EDAR: variants seen among roughly 807,000 people sequenced by gnomAD.
EDAR encodes tumor necrosis factor receptor superfamily member EDAR.
In EDAR, 38 loss-of-function variants were observed where a neutral mutation model predicts 51.3. The observed-to-expected ratio is 0.74, with a 90% CI of 0.57 to 0.97. The LOEUF is 0.97. Among genes scored for constraint, EDAR ranks in the 50% least tolerant of loss-of-function variants. EDAR has a pLI of 0.00. For missense variants in EDAR, 528 were observed against 595.0 expected (o/e 0.89, Z 1.17); for synonymous variants, 227 against 242.1 (o/e 0.94, Z 0.58).
intron 1 of EDAR, among the ~76,000 whole-genome samples, chr2:108,984,690 G>GT (rs147598264): frequency 0.03 from 4,557 of 150,674 alleles, 207 homozygotes; most frequent in East Asian, 0.096. Flanking sequence ...TAGTTTGTTT[G>GT]TTTTTTTTTC....
At chr2:108,959,704 G>A (rs899244246) in intron 1 of EDAR, among the ~76,000 whole-genome samples, 3 of 151,966 alleles carry the variant, frequency 2.0e-5, no homozygotes, top group African/African-American at 7.3e-5. Context: ...GTGGGCAGTG[G>A]AGATTTCGCC....
Position 108,959,673 on chromosome 2 carries a change from C to T in EDAR, c.-18-28641G>A, listed in dbSNP as rs533934405. On this transcript the variant is annotated intron_variant, in intron 1 of 11. Transcript: ENST00000258443. ...GCCCTGGGACTCAGCTCTGGATGCCCGGTGAATGGCTGCTGGGGCCGTGGG... is the reference window on the plus strand; with the variant it reads ...GCCCTGGGACTCAGCTCTGGATGCCTGGTGAATGGCTGCTGGGGCCGTGGG... 3.3e-5 allele frequency among the ~76,000 whole-genome samples: 5 copies of T among 152,240 alleles called. 1 individual carries two copies. In the South Asian group the frequency reaches 6.2e-4, roughly 19 times the overall value.
chr2:108,968,054 G>T (rs1351329150), intron 1 of EDAR, among the ~76,000 whole-genome samples: 1 of 152,172 alleles, frequency 6.6e-6, no homozygotes, highest in Non-Finnish European at 1.5e-5. Flanking sequence ...ACTGTCCCAA[G>T]AATGCCTCAG....
chr2:108,981,744 A>C (rs1023884061), intron 1 of EDAR, among the ~76,000 whole-genome samples: 1 of 152,224 alleles, frequency 6.6e-6, no homozygotes, highest in Non-Finnish European at 1.5e-5. Context: ...GAGCCCATGG[A>C]AACGACAGCA....
At chr2:108,930,860 G>A (rs1697353802) in intron 2 of EDAR, 104 bp downstream of exon 2, 1 of 1,253,664 alleles carries the variant, frequency 8.0e-7, no homozygotes, top group Middle Eastern at 2.4e-4. Flanking sequence ...TGTGGAGGAG[G>A]GACTATGATC....
chr2:108,931,454 C>T (rs917154672), intron 1 of EDAR, among the ~76,000 whole-genome samples: 1 of 152,228 alleles, frequency 6.6e-6, no homozygotes, highest in Non-Finnish European at 1.5e-5. Context: ...CTGGTCTTTG[C>T]CCCTCTGGAT....
chr2:108,942,701 G>A (rs1436872860), intron 1 of EDAR, among the ~76,000 whole-genome samples: 2 of 152,234 alleles, frequency 1.3e-5, no homozygotes, highest in African/African-American at 4.8e-5. Flanking sequence ...TCCTGTTCCC[G>A]CCTCTCCTTT....
intron 11 of EDAR, among the ~76,000 whole-genome samples, chr2:108,898,434 C>A (rs899546037): frequency 6.6e-6 from 1 of 152,138 alleles, no homozygotes; most frequent in Admixed American, 6.5e-5. Flanking sequence ...AGCAAGACAG[C>A]ACCCTCATTC....
intron 4 of EDAR, 50 bp from the exon 5 acceptor site, chr2:108,923,503 A>ACCTGT: frequency 6.4e-7 from 1 of 1,556,192 alleles, no homozygotes; most frequent in Non-Finnish European, 8.9e-7. Flanking sequence ...TGGACAGCAC[A>ACCTGT]CAGGCAGGGA....
At chr2:108,968,480 G>A (rs1698185465) in intron 1 of EDAR, among the ~76,000 whole-genome samples, 1 of 152,202 alleles carries the variant, frequency 6.6e-6, no homozygotes, top group Non-Finnish European at 1.5e-5. Flanking sequence ...CCAGGATGAG[G>A]TAACACAGAT....
chr2:108,910,821 C>G lies in EDAR; in HGVS notation c.685G>C (p.Val229Leu), dbSNP rs779845734. 1.2e-5 allele frequency: 19 copies of G among 1,613,822 alleles called. No individual in the cohort carries two copies. Among genetic ancestry groups the G allele is most frequent in the Non-Finnish European group, 8.5e-7 (1 of 1,179,986 alleles). ...TCGTCCTTGCTCACTTGGGCCTCCACGCTCTTCCCCGGGTGGCTGGTGCAA... is the reference window on the plus strand; with the variant it reads ...TCGTCCTTGCTCACTTGGGCCTCCAGGCTCTTCCCCGGGTGGCTGGTGCAA... Reference protein sequence around the residue: ...ACCTSHPGKSVEAQVSKDEEK... With the variant: ...ACCTSHPGKSLEAQVSKDEEK... Residue 229 changes from valine to leucine, a missense_variant, in exon 8 of 12, where the codon GTG (valine) becomes CTG (leucine). Val to Leu is a conservative substitution (Grantham distance 32). Transcript: ENST00000258443.
intron 1 of EDAR, among the ~76,000 whole-genome samples, chr2:108,953,743 C>T (rs1166670427): frequency 6.6e-6 from 1 of 152,030 alleles, no homozygotes; most frequent in Non-Finnish European, 1.5e-5. Context: ...GCGATGGAAA[C>T]AATAAAGAAG....
At chr2:108,918,640 C>T (rs1016547856) in intron 5 of EDAR, among the ~76,000 whole-genome samples, 1 of 152,114 alleles carries the variant, frequency 6.6e-6, no homozygotes, top group Non-Finnish European at 1.5e-5. Flanking sequence ...GTGGTGACTC[C>T]GGGGAGGGTC....
chr2:108,909,950 G>A (rs1459054570), intron 9 of EDAR, among the ~76,000 whole-genome samples: 2 of 152,172 alleles, frequency 1.3e-5, no homozygotes, highest in Non-Finnish European at 2.9e-5. Context: ...CTATAAACAG[G>A]GATGATACAA....
At chr2:108,929,479 A>G in intron 3 of EDAR, 100 bp from the exon 4 acceptor site, 1 of 1,280,138 alleles carries the variant, frequency 7.8e-7, no homozygotes, top group Non-Finnish European at 1.1e-6. Context: ...AGCTGTCTCC[A>G]GAAGCTACTC....
intron 1 of EDAR, among the ~76,000 whole-genome samples, chr2:108,977,550 G>A (rs1181302298): frequency 2.0e-5 from 3 of 152,258 alleles, no homozygotes; most frequent in Non-Finnish European, 2.9e-5. Context: ...GATTACAGGC[G>A]TGAGCCACCG....
At position 108,917,706 on chromosome 2, in the gene EDAR, AGGG is replaced by A. The variant is rs560390142; in HGVS notation, c.443-4945_443-4943del. Among the ~76,000 whole-genome samples the A allele has an allele frequency of 5.7e-3, 861 of 152,004 alleles. 5 individuals are homozygous for A. Among genetic ancestry groups the A allele is most frequent in the African/African-American group, 0.02 (823 of 41,464 alleles). ...CCCTGGCTGCAGGGCTGACCTCATG[AGGG>A]TGAGGTCAGCCCCCCACACAAGTGT... On this transcript the variant is annotated intron_variant, in intron 5 of 11. Transcript: ENST00000258443.
chr2:108,897,092 T>G lies in EDAR; in HGVS notation c.1162A>C (p.Ile388Leu). 6.2e-7 allele frequency: 1 copy of G among 1,614,046 alleles called. No individual in the cohort carries two copies. Among genetic ancestry groups the G allele is most frequent in the Non-Finnish European group, 8.5e-7 (1 of 1,180,008 alleles). ...TGCATGCCGTCTGTCATGCCCCCAA[T>G]CTCATCCCTCTTCAGGCCGAAGCTC... ...AESFGLKRDE[I>L]GGMTDGMQLF... The change falls in exon 12 of 12, where the codon ATT (isoleucine) becomes CTT (leucine). Residue 388 changes from isoleucine (I) to leucine (L), a missense_variant. Coordinates refer to ENST00000258443, the MANE Select transcript of EDAR (RefSeq NM_022336.4).
At chr2:108,983,014 TA>T (rs1181326697) in intron 1 of EDAR, among the ~76,000 whole-genome samples, 1 of 152,190 alleles carries the variant, frequency 6.6e-6, no homozygotes, top group Non-Finnish European at 1.5e-5. Context: ...TTGGAGATTT[TA>T]TTGCCCATAA....
Sources: gnomAD v4.1 joint callset for allele counts (sites outside exome capture counted in the v4.1 genomes callset) on GRCh38, gnomAD v4.1.1 for gene constraint, MANE v1.5 for transcripts, NCBI Gene and HGNC (gene_info 2026-07-23, HGNC 2026-07-21) for gene names.